Variants in SLC28A3 observed in about 807,000 individuals in gnomAD.
The protein encoded by SLC28A3 is solute carrier family 28 member 3, also known as concentrative Na(+)-nucleoside cotransporter 3.
In SLC28A3, 68 loss-of-function variants were observed where a neutral mutation model predicts 84.2. The ratio of observed to expected loss-of-function variants is 0.81; its 90% CI spans 0.66 to 0.99. The LOEUF (loss-of-function observed/expected upper bound fraction) is 0.99. SLC28A3 is among the 50% of genes least tolerant of loss of function. The pLI, the probability that SLC28A3 is intolerant of heterozygous loss-of-function variation, is 0.00. For synonymous variants in SLC28A3, 267 were observed against 303.6 expected, an observed-to-expected ratio of 0.88 and a Z score of 1.25; for missense variants, 712 against 841.5, an observed-to-expected ratio of 0.85 and a Z score of 1.90.
chr9:84,287,350 C>G (rs1564147794), intron 12 of SLC28A3, among the ~76,000 whole-genome samples: 1 of 152,072 alleles, frequency 6.6e-6, no homozygotes, highest in Non-Finnish European at 1.5e-5. Flanking sequence ...ATGAAATACT[C>G]TTGAACACCC....
chr9:84,359,595 T>C, the SLC28A3 span, among the ~76,000 whole-genome samples: 1 of 152,188 alleles, frequency 6.6e-6, no homozygotes, highest in East Asian at 1.9e-4. Flanking sequence ...CATGCATAAA[T>C]ATAAATCAAA....
intron 12 of SLC28A3, among the ~76,000 whole-genome samples, chr9:84,287,792 T>C (rs11140498): frequency 1.1e-3 from 168 of 152,246 alleles, no homozygotes; most frequent in Non-Finnish European, 2.1e-3. Flanking sequence ...ATGTTGAGGC[T>C]GCAGTGAGCT....
At chr9:84,325,189 C>G (rs1483614431) in intron 1 of SLC28A3, among the ~76,000 whole-genome samples, 2 of 152,116 alleles carry the variant, frequency 1.3e-5, no homozygotes, top group African/African-American at 4.8e-5. Flanking sequence ...TCATGCCTCT[C>G]CTACCTTTTA....
Position 84,302,401 on chromosome 9 carries a change from G to A in SLC28A3, c.335-12C>T. On this transcript the variant is annotated splice_polypyrimidine_tract_variant and intron_variant, in intron 4 of 17. Coordinates refer to ENST00000376238, the MANE Select transcript of SLC28A3 (RefSeq NM_001199633.2). ...CATAACCAGATAACCTGTCCAGGAA[G>A]CAAAAACAGACACTGAACATCACTA... 1 of 1,610,886 alleles carries A rather than the reference G, an allele frequency of 6.2e-7. No individual in the cohort carries two copies. Among genetic ancestry groups the A allele is most frequent in the South Asian group, 1.1e-5 (1 of 90,712 alleles).
intron 1 of SLC28A3, among the ~76,000 whole-genome samples, chr9:84,323,343 T>C (rs1423484450): frequency 6.6e-6 from 1 of 152,130 alleles, no homozygotes; most frequent in East Asian, 1.9e-4. Flanking sequence ...ATGGTGGGCC[T>C]GGAAAATCCA....
chr9:84,356,649 G>A, the SLC28A3 span, among the ~76,000 whole-genome samples: 1 of 152,100 alleles, frequency 6.6e-6, no homozygotes, highest in Admixed American at 6.6e-5. Context: ...GGCCAATATG[G>A]TGAAACCCCG....
intron 1 of SLC28A3, among the ~76,000 whole-genome samples, chr9:84,320,000 C>CTTTTTACTTATG (rs2118487801): frequency 7.6e-6 from 1 of 132,270 alleles, no homozygotes; most frequent in African/African-American, 2.9e-5. Context: ...TCTAGCTGTA[C>CTTTTTACTTATG]TTTTTACTTA....
chr9:84,351,767 C>T, the SLC28A3 span, among the ~76,000 whole-genome samples: 5 of 150,506 alleles, frequency 3.3e-5, no homozygotes, highest in East Asian at 9.7e-4. Context: ...ATTAAATTTC[C>T]TGATCTTGAT....
chr9:84,309,844 G>T, intron 2 of SLC28A3, 130 bp from the exon 3 acceptor site: 1 of 706,828 alleles, frequency 1.4e-6, no homozygotes. Context: ...CAAGAAGATG[G>T]CTCCTATTAT....
chr9:84,329,788 A>C (rs1446737207), intron 1 of SLC28A3, among the ~76,000 whole-genome samples: 1 of 152,142 alleles, frequency 6.6e-6, no homozygotes, highest in East Asian at 1.9e-4. Flanking sequence ...AGTCCCAGCT[A>C]CTTGGAAGGC....
rs1387958545 is a variant in SLC28A3 at position 84,285,492 on chromosome 9, T to G, written c.1500A>C (p.Glu500Asp). The G allele has an allele frequency of 1.9e-6, 3 of 1,614,180 alleles. No individual in the cohort carries two copies. In the Admixed American group the frequency reaches 5.0e-5, roughly 27 times the overall value. Residue 500 changes from glutamate to aspartate, a missense_variant, in exon 14 of 18, where the codon GAA (glutamate) becomes GAC (aspartate). Coordinates refer to ENST00000376238, the MANE Select transcript of SLC28A3 (RefSeq NM_001199633.2). ...TGGCAACCATAAAGCTGTCCTGCCA[T>G]TCCACTCCCATCATGAAGGAAAAGG... Reference protein sequence around the residue: ...FMPFSFMMGVEWQDSFMVARL... With the variant: ...FMPFSFMMGVDWQDSFMVARL...
chr9:84,303,838 C>T (rs533114634), intron 4 of SLC28A3, among the ~76,000 whole-genome samples: 1 of 152,196 alleles, frequency 6.6e-6, no homozygotes, highest in East Asian at 1.9e-4. Context: ...TAAAGAGGCA[C>T]AAATCTCAAT....
chr9:84,295,897 A>AT (rs1825396770), intron 8 of SLC28A3, among the ~76,000 whole-genome samples: 1 of 152,138 alleles, frequency 6.6e-6, no homozygotes, highest in South Asian at 2.1e-4. Flanking sequence ...ATTAAAAGAC[A>AT]TTTTGTGCCA....
At chr9:84,290,125 G>C (rs986226437) in intron 11 of SLC28A3, 29 bp downstream of exon 11, 6 of 1,608,682 alleles carry the variant, frequency 3.7e-6, no homozygotes, top group Non-Finnish European at 4.2e-6. Context: ...GAAGAGGTTG[G>C]TGTTTTCATA....
At chr9:84,333,606 TG>T (rs1428705150) in intron 1 of SLC28A3, among the ~76,000 whole-genome samples, 1 of 152,136 alleles carries the variant, frequency 6.6e-6, no homozygotes, top group Non-Finnish European at 1.5e-5. Flanking sequence ...TTAAACTCAA[TG>T]ACATACTGCT....
At chr9:84,355,740 C>A in the SLC28A3 span, among the ~76,000 whole-genome samples, 7 of 152,046 alleles carry the variant, frequency 4.6e-5, no homozygotes, top group Admixed American at 3.9e-4. Flanking sequence ...TGGAATGGGG[C>A]TGGGTACTTA....
At chr9:84,344,139 G>T (rs1247931197), upstream of SLC28A3, among the ~76,000 whole-genome samples, 3 of 151,012 alleles carry the variant, frequency 2.0e-5, no homozygotes, top group Non-Finnish European at 2.9e-5. Flanking sequence ...TGATCTAAGG[G>T]GTCTGGGGAG....
At chr9:84,291,118 T>A (rs928797668) in intron 10 of SLC28A3, among the ~76,000 whole-genome samples, 1 of 152,214 alleles carries the variant, frequency 6.6e-6, no homozygotes, top group Admixed American at 6.5e-5. Context: ...TCTCTAATTG[T>A]TCTGTAAGAT....
intron 5 of SLC28A3, among the ~76,000 whole-genome samples, chr9:84,300,720 T>C (rs1025675159): frequency 1.3e-5 from 2 of 152,154 alleles, no homozygotes; most frequent in Non-Finnish European, 2.9e-5. Flanking sequence ...AAGGAAAAGC[T>C]CTGAGCAGTT....
Sources: gnomAD v4.1 joint callset for allele counts (sites outside exome capture counted in the v4.1 genomes callset) on GRCh38, gnomAD v4.1.1 for gene constraint, MANE v1.5 for transcripts, NCBI Gene and HGNC (gene_info 2026-07-23, HGNC 2026-07-21) for gene names.